ATRNL1: variants seen among roughly 807,000 people sequenced by gnomAD.
The protein encoded by ATRNL1 is attractin-like protein 1.
In ATRNL1, 95 loss-of-function variants were observed where a neutral mutation model predicts 182.7. The observed-to-expected ratio is 0.52, with a 90% CI of 0.44 to 0.62. The LOEUF (loss-of-function observed/expected upper bound fraction) is 0.62, where lower values mean the gene tolerates loss of function less well. Among genes scored for constraint, ATRNL1 ranks in the 20% least tolerant of loss-of-function variants. The pLI is 0.00. For synonymous variants in ATRNL1, 576 were observed against 568.3 expected, an observed-to-expected ratio of 1.01 and a Z score of -0.19; for missense variants, 1,471 against 1,679.5, an observed-to-expected ratio of 0.88 and a Z score of 2.17.
At chr10:115,264,143 T>G (rs1851508940) in intron 10 of ATRNL1, among the ~76,000 whole-genome samples, 1 of 151,750 alleles carries the variant, frequency 6.6e-6, no homozygotes, top group African/African-American at 2.4e-5. Flanking sequence ...GCACGTTTGT[T>G]ACGTATGTAT....
chr10:115,148,872 C>T (rs1846090824), intron 5 of ATRNL1, among the ~76,000 whole-genome samples: 1 of 151,678 alleles, frequency 6.6e-6, no homozygotes. Context: ...GTCTCAGCCT[C>T]CTGAGTAGCT....
At chr10:115,868,099 C>T (rs950627598) in intron 28 of ATRNL1, among the ~76,000 whole-genome samples, 4 of 152,056 alleles carry the variant, frequency 2.6e-5, no homozygotes, top group Non-Finnish European at 5.9e-5. Flanking sequence ...AGAGCTTATA[C>T]ATTGAATTGG....
intron 20 of ATRNL1, among the ~76,000 whole-genome samples, chr10:115,417,808 T>C (rs1020717742): frequency 6.6e-6 from 1 of 152,168 alleles, no homozygotes; most frequent in Non-Finnish European, 1.5e-5. Flanking sequence ...CTGCCAACCT[T>C]GGAGCCCTCC....
intron 1 of ATRNL1, chr10:115,096,896 T>C: frequency 1.3e-6 from 1 of 791,570 alleles, no homozygotes; most frequent in Non-Finnish European, 1.6e-6. Context: ...GACTTGGGAT[T>C]GAGAATAGGA....
intron 26 of ATRNL1, among the ~76,000 whole-genome samples, chr10:115,695,325 A>C (rs1946524444): frequency 1.3e-5 from 2 of 152,194 alleles, no homozygotes; most frequent in South Asian, 2.1e-4. Flanking sequence ...GCTGGAATTC[A>C]ATAATGTGAA....
Position 115,711,276 on chromosome 10 carries a change from G to A in ATRNL1, c.3796-15972G>A, listed in dbSNP as rs75431276. Among the ~76,000 whole-genome samples, 657 of 152,204 alleles carry A rather than the reference G, an allele frequency of 4.3e-3. 9 individuals are homozygous for A. The highest frequency in any genetic ancestry group is 0.015 in the African/African-American group (636 of 41,536). ...CATGGATAATACATTAAGGTATGCT[G>A]CCTCCTGTGGGTAGGCTTCCCAGAT... is the stretch of plus-strand genomic sequence containing the variant. On this transcript the variant is annotated intron_variant, in intron 26 of 28. Coordinates refer to ENST00000355044, the MANE Select transcript of ATRNL1 (RefSeq NM_207303.4).
chr10:115,308,740 C>T (rs1853863248), intron 17 of ATRNL1, among the ~76,000 whole-genome samples: 1 of 151,974 alleles, frequency 6.6e-6, no homozygotes, highest in Non-Finnish European at 1.5e-5. Context: ...ATCTATTTTG[C>T]TGTGTAGAAG....
intron 26 of ATRNL1, among the ~76,000 whole-genome samples, chr10:115,581,802 G>A (rs1855104813): frequency 6.6e-6 from 1 of 151,304 alleles, no homozygotes; most frequent in Non-Finnish European, 1.5e-5. Context: ...GTGCAGGTTA[G>A]TTACATATGT....
At chr10:115,678,137 C>T (rs1326127576) in intron 26 of ATRNL1, among the ~76,000 whole-genome samples, 1 of 152,082 alleles carries the variant, frequency 6.6e-6, no homozygotes, top group East Asian at 1.9e-4. Flanking sequence ...AGTAAATAAG[C>T]ATGATATAAA....
chr10:115,526,264 A>G (rs576672176), intron 25 of ATRNL1, among the ~76,000 whole-genome samples: 27 of 152,186 alleles, frequency 1.8e-4, no homozygotes, highest in African/African-American at 6.3e-4. Flanking sequence ...CTGCAACTCT[A>G]CAACAATTAG....
intron 19 of ATRNL1, among the ~76,000 whole-genome samples, chr10:115,345,681 T>TC (rs1855943825): frequency 6.6e-6 from 1 of 152,198 alleles, no homozygotes; most frequent in African/African-American, 2.4e-5. Context: ...GCTATCTTGC[T>TC]CTGTGTCTCT....
intron 26 of ATRNL1, among the ~76,000 whole-genome samples, chr10:115,648,549 A>G (rs1363596519): frequency 5.9e-5 from 9 of 152,220 alleles, no homozygotes; most frequent in Non-Finnish European, 1.3e-4. Context: ...ACCTGACTTC[A>G]AACTGTACTA....
intron 26 of ATRNL1, among the ~76,000 whole-genome samples, chr10:115,587,503 G>A (rs1311496865): frequency 2.0e-5 from 3 of 151,684 alleles, no homozygotes; most frequent in Non-Finnish European, 4.4e-5. Flanking sequence ...CAGTATTCAG[G>A]TGGGAGTGAC....
At chr10:115,766,072 G>T (rs1486789504) in intron 27 of ATRNL1, among the ~76,000 whole-genome samples, 4 of 151,916 alleles carry the variant, frequency 2.6e-5, no homozygotes, top group Non-Finnish European at 5.9e-5. Flanking sequence ...TCACATATTA[G>T]CATGTTAGAT....
chr10:115,662,975 T>G (rs1308771169), intron 26 of ATRNL1, among the ~76,000 whole-genome samples: 1 of 152,156 alleles, frequency 6.6e-6, no homozygotes, highest in East Asian at 1.9e-4. Context: ...TAAACAATGT[T>G]AAACATGGAA....
chr10:115,264,075 A>G (rs545018310), intron 10 of ATRNL1, among the ~76,000 whole-genome samples: 2 of 145,780 alleles, frequency 1.4e-5, no homozygotes, highest in African/African-American at 4.9e-5. Flanking sequence ...GTCTTTCAGC[A>G]TCATTCTCTT....
chr10:115,887,108 A>G (rs1028130122), intron 28 of ATRNL1, among the ~76,000 whole-genome samples: 6 of 152,182 alleles, frequency 3.9e-5, no homozygotes, highest in Non-Finnish European at 7.4e-5. Context: ...CCCACACCAG[A>G]CCAACTGAAT....
chr10:115,217,430 A>AATAACTTCTGTATGAAGGAGGCAGT lies in ATRNL1; in HGVS notation c.1532+1554_1532+1578dup, dbSNP rs1323116213. On this transcript the variant is annotated intron_variant, in intron 9 of 28. Coordinates refer to ENST00000355044, the MANE Select transcript of ATRNL1 (RefSeq NM_207303.4). ...ATGCTGTGTCATACCAAAAGGGAAG[A>AATAACTTCTGTATGAAGGAGGCAGT]ATAACTTCTGTATGAAGGAGGCAGT... Among the ~76,000 whole-genome samples the AATAACTTCTGTATGAAGGAGGCAGT allele has an allele frequency of 5.9e-5, 9 of 152,244 alleles. 1 individual carries two copies. The highest frequency in any genetic ancestry group is 2.2e-4 in the African/African-American group (9 of 41,554).
At chr10:115,640,246 G>C (rs1555029812) in intron 26 of ATRNL1, among the ~76,000 whole-genome samples, 1 of 152,174 alleles carries the variant, frequency 6.6e-6, no homozygotes, top group East Asian at 1.9e-4. Context: ...ATATGTGCAT[G>C]TGTCTTTATA....
Sources: gnomAD v4.1 joint callset for allele counts (sites outside exome capture counted in the v4.1 genomes callset) on GRCh38, gnomAD v4.1.1 for gene constraint, MANE v1.5 for transcripts, NCBI Gene and HGNC (gene_info 2026-07-23, HGNC 2026-07-21) for gene names.